Variants in ATRNL1 observed in about 807,000 individuals in gnomAD.
ATRNL1 encodes attractin-like protein 1.
ATRNL1 carries 95 observed loss-of-function variants against 182.7 expected under a neutral mutation model. That is an observed-to-expected ratio of 0.52 (90% CI 0.44 to 0.62). The LOEUF (loss-of-function observed/expected upper bound fraction) is 0.62, where lower values mean the gene tolerates loss of function less well. Ranked by LOEUF, ATRNL1 falls within the 20% of genes least tolerant of loss-of-function variation. The pLI, the probability that ATRNL1 is intolerant of heterozygous loss-of-function variation, is 0.00. For missense variants in ATRNL1, 1,471 were observed against 1,679.5 expected, an observed-to-expected ratio of 0.88 and a Z score of 2.17; for synonymous variants, 576 against 568.3, an observed-to-expected ratio of 1.01 and a Z score of -0.19.
intron 28 of ATRNL1, among the ~76,000 whole-genome samples, chr10:115,893,272 C>A (rs7898613): frequency 0.083 from 12,581 of 151,908 alleles, 1,563 homozygotes; most frequent in African/African-American, 0.27. Context: ...AGTGGAGAGG[C>A]GGGAGTTATG....
chr10:115,547,562 G>A (rs1852739710), intron 25 of ATRNL1, among the ~76,000 whole-genome samples: 1 of 151,938 alleles, frequency 6.6e-6, no homozygotes, highest in Non-Finnish European at 1.5e-5. Context: ...TTCTCTTTGG[G>A]GGCAAGAGAA....
rs185602386 is a variant in ATRNL1, at chr10:115,531,777, C to G, written c.3716+12453C>G. 3.5e-3 allele frequency among the ~76,000 whole-genome samples: 516 copies of G among 148,360 alleles called. 4 individuals carry two copies. The highest frequency in any genetic ancestry group is 0.012 in the African/African-American group (502 of 40,950). ...ATGGTTTTAGGTCTAACGTTTAAGT[C>G]TTTAATCCATCTTGAATTAATTTTT... On this transcript the variant is annotated intron_variant, in intron 25 of 28. Transcript: ENST00000355044.
chr10:115,138,280 G>T (rs1414745405), intron 5 of ATRNL1, among the ~76,000 whole-genome samples: 1 of 152,194 alleles, frequency 6.6e-6, no homozygotes, highest in Non-Finnish European at 1.5e-5. Flanking sequence ...TACCATTACT[G>T]GGGTCTTGAG....
intron 24 of ATRNL1, among the ~76,000 whole-genome samples, chr10:115,501,443 G>A (rs1183094321): frequency 1.3e-5 from 2 of 152,082 alleles, no homozygotes; most frequent in African/African-American, 4.8e-5. Flanking sequence ...CCATGGGGCT[G>A]TTATTGGCTC....
intron 26 of ATRNL1, among the ~76,000 whole-genome samples, chr10:115,652,318 A>G (rs1309698036): frequency 6.6e-6 from 1 of 152,024 alleles, no homozygotes; most frequent in Non-Finnish European, 1.5e-5. Flanking sequence ...GTTTGAGATG[A>G]CAAAATCATT....
chr10:115,488,508 T>G (rs187192290), intron 24 of ATRNL1, among the ~76,000 whole-genome samples: 1 of 152,346 alleles, frequency 6.6e-6, no homozygotes, highest in East Asian at 1.9e-4. Context: ...TTTATTTGCA[T>G]AGAAGTGTTT....
intron 18 of ATRNL1, among the ~76,000 whole-genome samples, chr10:115,331,692 T>G (rs1454153599): frequency 1.3e-5 from 2 of 152,196 alleles, no homozygotes; most frequent in Admixed American, 6.5e-5. Context: ...CTTTGCAGTC[T>G]GGATTTGTTT....
chr10:115,195,552 A>G (rs1848328106), intron 8 of ATRNL1, among the ~76,000 whole-genome samples: 1 of 151,912 alleles, frequency 6.6e-6, no homozygotes. Context: ...TTGACCTTTG[A>G]GAGTCTGAAT....
chr10:115,377,106 G>C (rs186816212), intron 19 of ATRNL1, among the ~76,000 whole-genome samples: 25 of 151,992 alleles, frequency 1.6e-4, no homozygotes, highest in Admixed American at 1.2e-3. Context: ...TTTTGTTCAT[G>C]CATTATTTTT....
At chr10:115,505,667 A>G (rs1850074149) in intron 24 of ATRNL1, among the ~76,000 whole-genome samples, 1 of 152,030 alleles carries the variant, frequency 6.6e-6, no homozygotes, top group African/African-American at 2.4e-5. Context: ...AACAGAATTC[A>G]GTTAACTGAG....
At chr10:115,558,206 C>T (rs1853442714) in intron 26 of ATRNL1, among the ~76,000 whole-genome samples, 1 of 152,024 alleles carries the variant, frequency 6.6e-6, no homozygotes, top group African/African-American at 2.4e-5. Flanking sequence ...GAACAAAATG[C>T]ACAAAGTAGC....
At chr10:115,502,895 T>A (rs754152983) in intron 24 of ATRNL1, among the ~76,000 whole-genome samples, 3 of 152,174 alleles carry the variant, frequency 2.0e-5, no homozygotes, top group South Asian at 2.1e-4. Context: ...AGTATAATTT[T>A]AAAAAAAGGC....
At chr10:115,629,061 T>C (rs1347622831) in intron 26 of ATRNL1, among the ~76,000 whole-genome samples, 1 of 152,316 alleles carries the variant, frequency 6.6e-6, no homozygotes, top group East Asian at 1.9e-4. Flanking sequence ...ATTCCATTAC[T>C]CTATATGTTT....
chr10:115,532,469 T>C (rs1360238304), intron 25 of ATRNL1, among the ~76,000 whole-genome samples: 3 of 152,194 alleles, frequency 2.0e-5, no homozygotes, highest in Non-Finnish European at 4.4e-5. Flanking sequence ...TTTTGTACAT[T>C]GATTTTGTAT....
intron 28 of ATRNL1, among the ~76,000 whole-genome samples, chr10:115,926,216 CAA>C (rs1468435683): frequency 6.6e-6 from 1 of 152,100 alleles, no homozygotes; most frequent in Non-Finnish European, 1.5e-5. Flanking sequence ...CCAATGAGAA[CAA>C]AGAGACATCA....
chr10:115,673,676 T>G (rs916189268), intron 26 of ATRNL1, among the ~76,000 whole-genome samples: 11 of 152,150 alleles, frequency 7.2e-5, no homozygotes, highest in African/African-American at 2.7e-4. Flanking sequence ...GTTTGTGTTT[T>G]CCAGTGATGA....
intron 26 of ATRNL1, among the ~76,000 whole-genome samples, chr10:115,715,995 A>T (rs1472462285): frequency 1.3e-5 from 2 of 152,238 alleles, no homozygotes; most frequent in East Asian, 3.9e-4. Flanking sequence ...CCAAGTACAT[A>T]AGAAAGCCGA....
chr10:115,354,541 A>C (rs188455685), intron 19 of ATRNL1, among the ~76,000 whole-genome samples: 1 of 152,272 alleles, frequency 6.6e-6, no homozygotes, highest in East Asian at 1.9e-4. Flanking sequence ...CTCCCCACTG[A>C]GAAGGCTGCT....
chr10:115,248,558 T>C (rs965273559), intron 10 of ATRNL1, among the ~76,000 whole-genome samples: 1 of 152,098 alleles, frequency 6.6e-6, no homozygotes, highest in Admixed American at 6.5e-5. Flanking sequence ...ACAGGACATA[T>C]CATTGTATGT....
Sources: allele counts gnomAD v4.1 joint callset (sites outside exome capture counted in the v4.1 genomes callset), GRCh38; gene constraint gnomAD v4.1.1; transcripts MANE v1.5; gene names NCBI Gene and HGNC (gene_info 2026-07-23, HGNC 2026-07-21).